The following MATN2 variants were observed in gnomAD, a reference collection of about 807,000 sequenced individuals.
The protein encoded by MATN2 is matrilin-2.
MATN2 carries 69 observed loss-of-function variants against 103.2 expected under a neutral mutation model. The ratio of observed to expected loss-of-function variants is 0.67; its 90% CI spans 0.55 to 0.82. The LOEUF (loss-of-function observed/expected upper bound fraction) is 0.82, where lower values mean the gene tolerates loss of function less well. Ranked by LOEUF, MATN2 falls within the 40% of genes least tolerant of loss-of-function variation. The pLI is 0.00. For missense variants in MATN2, 1,023 were observed against 1,211.5 expected (o/e 0.84, Z 2.31); for synonymous variants, 429 against 450.2 (o/e 0.95, Z 0.60).
intron 4 of MATN2, among the ~76,000 whole-genome samples, chr8:97,945,711 A>ATATATATAT (rs1385265414): frequency 4.8e-4 from 32 of 67,306 alleles, no homozygotes; most frequent in Admixed American, 7.6e-4. Flanking sequence ...TATAGAAAAA[A>ATATATATAT]AAAAAAATAT....
chr8:97,976,643 A>G (rs1811844606), intron 5 of MATN2, among the ~76,000 whole-genome samples: 1 of 152,128 alleles, frequency 6.6e-6, no homozygotes, highest in African/African-American at 2.4e-5. Flanking sequence ...AAAACATTGT[A>G]GGGAGTACTT....
rs367650132 is a variant in MATN2 at position 98,027,637 on chromosome 8, G to A, written c.2164G>A (p.Val722Met). The A allele has an allele frequency of 1.8e-5, 29 of 1,613,662 alleles. No individual in the cohort carries two copies. The highest frequency in any genetic ancestry group is 3.3e-5 in the Admixed American group (2 of 59,960). The change falls in exon 14 of 19, where the codon GTG (valine) becomes ATG (methionine). Residue 722 changes from valine to methionine, a missense_variant. Transcript: ENST00000254898. ...CTCAGCCAAAGACATGAAAAAAGCC[G>A]TGGCCCACATGAAATACATGGGAAA... is the stretch of plus-strand genomic sequence containing the variant. ...FNSAKDMKKA[V>M]AHMKYMGKGS...
chr8:97,901,810 A>G (rs1818993066), intron 2 of MATN2, among the ~76,000 whole-genome samples: 1 of 152,208 alleles, frequency 6.6e-6, no homozygotes, highest in East Asian at 1.9e-4. Context: ...TCATAAAACC[A>G]TCTGGGCTTG....
At chr8:97,971,300 G>A (rs563044773) in intron 5 of MATN2, among the ~76,000 whole-genome samples, 4 of 152,160 alleles carry the variant, frequency 2.6e-5, no homozygotes, top group South Asian at 2.1e-4. Context: ...CAATTGGGCC[G>A]GTTTCACTTT....
intron 15 of MATN2, chr8:98,031,601 A>C (rs562058606): frequency 6.6e-6 from 1 of 152,368 alleles, no homozygotes; most frequent in African/African-American, 2.4e-5. Context: ...TTCCAAGCCC[A>C]CTGTTAAAAT....
At chr8:97,946,821 A>C (rs1005870007) in intron 4 of MATN2, among the ~76,000 whole-genome samples, 5 of 152,166 alleles carry the variant, frequency 3.3e-5, no homozygotes, top group Non-Finnish European at 1.5e-5. Flanking sequence ...TGTTCCCAAC[A>C]TTATTTTTCC....
chr8:97,987,414 C>T (rs944590565), intron 6 of MATN2, among the ~76,000 whole-genome samples: 1 of 151,930 alleles, frequency 6.6e-6, no homozygotes, highest in Non-Finnish European at 1.5e-5. Flanking sequence ...ACCTGCACAT[C>T]CTGCACATAC....
intron 2 of MATN2, among the ~76,000 whole-genome samples, chr8:97,920,007 G>A (rs1306789661): frequency 6.6e-6 from 1 of 152,192 alleles, no homozygotes; most frequent in Non-Finnish European, 1.5e-5. Flanking sequence ...GCTGTGTAGG[G>A]ACTACAGACA....
intron 6 of MATN2, among the ~76,000 whole-genome samples, chr8:97,988,112 A>G (rs1370710508): frequency 7.0e-6 from 1 of 142,928 alleles, no homozygotes; most frequent in Non-Finnish European, 1.5e-5. Context: ...TGAGGCAAGG[A>G]GTTAAAGACC....
chr8:98,004,863 T>C (rs986105204), intron 8 of MATN2, among the ~76,000 whole-genome samples: 3 of 152,142 alleles, frequency 2.0e-5, no homozygotes, highest in Non-Finnish European at 2.9e-5. Context: ...GGCTCCATGG[T>C]TTTTTATGAG....
chr8:97,889,869 C>A (rs1472691978), intron 2 of MATN2, among the ~76,000 whole-genome samples: 2 of 152,092 alleles, frequency 1.3e-5, no homozygotes, highest in Non-Finnish European at 2.9e-5. Flanking sequence ...CCAAGTCTCT[C>A]TCTCCCTCCC....
At chr8:97,915,582 G>A (rs72675251) in intron 2 of MATN2, among the ~76,000 whole-genome samples, 13,203 of 152,248 alleles carry the variant, frequency 0.087, 880 homozygotes, top group Admixed American at 0.21. Flanking sequence ...GAAAGGCCCT[G>A]AGGCGCTGTG....
intron 1 of MATN2, among the ~76,000 whole-genome samples, chr8:97,887,645 ATAATT>A (rs1415532390): frequency 6.6e-6 from 1 of 152,250 alleles, no homozygotes; most frequent in Non-Finnish European, 1.5e-5. Flanking sequence ...TTTTATATGT[ATAATT>A]TATATAAACT....
chr8:97,994,257 G>A (rs188654127), intron 6 of MATN2, among the ~76,000 whole-genome samples: 1 of 148,490 alleles, frequency 6.7e-6, no homozygotes, highest in Middle Eastern at 3.2e-3. Flanking sequence ...AGAGGGAGGA[G>A]GAGGGAAGAA....
intron 1 of MATN2, among the ~76,000 whole-genome samples, chr8:97,887,547 G>A (rs1419236430): frequency 1.3e-5 from 2 of 152,202 alleles, no homozygotes; most frequent in African/African-American, 4.8e-5. Flanking sequence ...TAACCACTGT[G>A]CCAACACTCT....
rs1273685164 is a variant in MATN2 at position 98,019,118 on chromosome 8, T to A, written c.1819+1002T>A. Among the ~76,000 whole-genome samples, 13 of 150,084 alleles carry A rather than the reference T, an allele frequency of 8.7e-5. No individual in the cohort carries two copies. In the Admixed American group the frequency reaches 8.7e-4, roughly 10 times the overall value. ...ATATATATCATAGAAGATATATATA[T>A]ATACACACACATATATATGTGTGTG... is the stretch of plus-strand genomic sequence containing the variant. On this transcript the variant is annotated intron_variant, in intron 12 of 18. Transcript: ENST00000254898.
chr8:97,937,992 A>G (rs964158649), intron 3 of MATN2, among the ~76,000 whole-genome samples: 1 of 152,128 alleles, frequency 6.6e-6, no homozygotes, highest in African/African-American at 2.4e-5. Flanking sequence ...TCCGGTAGCC[A>G]TCCTCTCCCC....
At chr8:97,987,584 C>A (rs1812236997) in intron 6 of MATN2, among the ~76,000 whole-genome samples, 1 of 152,024 alleles carries the variant, frequency 6.6e-6, no homozygotes, top group South Asian at 2.1e-4. Flanking sequence ...TTATATATAT[C>A]TAATTTATAA....
At chr8:98,012,053 C>A (rs1031929438) in intron 10 of MATN2, among the ~76,000 whole-genome samples, 1 of 152,234 alleles carries the variant, frequency 6.6e-6, no homozygotes, top group African/African-American at 2.4e-5. Flanking sequence ...CTTTCTCCCT[C>A]TTGAGATTTC....
Sources: gnomAD v4.1 joint callset for allele counts (sites outside exome capture counted in the v4.1 genomes callset) on GRCh38, gnomAD v4.1.1 for gene constraint, MANE v1.5 for transcripts, NCBI Gene and HGNC (gene_info 2026-07-23, HGNC 2026-07-21) for gene names.